The following ADGRB3 variants were observed in gnomAD, a reference collection of about 807,000 sequenced individuals.
The protein encoded by ADGRB3 is adhesion G protein-coupled receptor B3, also known as brain-specific angiogenesis inhibitor 3.
Under a neutral mutation model 193.4 loss-of-function variants are expected in ADGRB3, and 37 were observed. The observed-to-expected ratio is 0.19, with a 90% CI of 0.15 to 0.25. The LOEUF is 0.25. ADGRB3 is among the 10% of genes least tolerant of loss of function. The probability of loss-of-function intolerance (pLI) is 1.00; values close to 1 mark genes in which losing one functional copy is unlikely to be tolerated. For synonymous variants in ADGRB3, 690 were observed against 644.2 expected, an observed-to-expected ratio of 1.07 and a Z score of -1.08; for missense variants, 1,637 against 1,852.9, an observed-to-expected ratio of 0.88 and a Z score of 2.14.
At chr6:69,302,879 G>A (rs1389482672) in intron 20 of ADGRB3, among the ~76,000 whole-genome samples, 5 of 151,910 alleles carry the variant, frequency 3.3e-5, no homozygotes, top group Admixed American at 1.3e-4. Context: ...AGCGAATCAA[G>A]GAAATCATGA....
chr6:68,640,072 A>G (rs1341937140), intron 3 of ADGRB3, among the ~76,000 whole-genome samples: 1 of 152,226 alleles, frequency 6.6e-6, no homozygotes, highest in Non-Finnish European at 1.5e-5. Flanking sequence ...TTCTTGGGTC[A>G]GAAGGAACTC....
intron 3 of ADGRB3, among the ~76,000 whole-genome samples, chr6:68,884,335 T>A (rs566337988): frequency 6.6e-6 from 1 of 152,096 alleles, no homozygotes; most frequent in African/African-American, 2.4e-5. Flanking sequence ...ATTACACAAA[T>A]AAATAGAAAC....
At chr6:68,987,290 C>T (rs1769107495) in intron 10 of ADGRB3, among the ~76,000 whole-genome samples, 1 of 152,052 alleles carries the variant, frequency 6.6e-6, no homozygotes, top group Non-Finnish European at 1.5e-5. Context: ...GGGTTTTATT[C>T]AACCTCCACT....
At chr6:68,835,704 A>C (rs1358713012) in intron 3 of ADGRB3, among the ~76,000 whole-genome samples, 1 of 151,928 alleles carries the variant, frequency 6.6e-6, no homozygotes, top group Non-Finnish European at 1.5e-5. Flanking sequence ...TTCTTAAGGA[A>C]TCTATTTATA....
intron 17 of ADGRB3, among the ~76,000 whole-genome samples, chr6:69,168,555 T>C (rs1775189100): frequency 6.6e-6 from 1 of 152,114 alleles, no homozygotes; most frequent in African/African-American, 2.4e-5. Flanking sequence ...TAATTTGCAG[T>C]AGCATTTATC....
chr6:68,785,471 A>G (rs1766947485), intron 3 of ADGRB3, among the ~76,000 whole-genome samples: 1 of 151,526 alleles, frequency 6.6e-6, no homozygotes, highest in African/African-American at 2.4e-5. Flanking sequence ...CCATGTCCCT[A>G]CAAAGGACAT....
At chr6:69,008,631 A>C (rs942783190) in intron 11 of ADGRB3, among the ~76,000 whole-genome samples, 1 of 152,114 alleles carries the variant, frequency 6.6e-6, no homozygotes, top group African/African-American at 2.4e-5. Context: ...GTAGTGATGC[A>C]TAGGGAGAGT....
intron 3 of ADGRB3, among the ~76,000 whole-genome samples, chr6:68,863,130 TC>T (rs1562061492): frequency 6.6e-6 from 1 of 152,192 alleles, no homozygotes; most frequent in African/African-American, 2.4e-5. Flanking sequence ...TTGCCACTTA[TC>T]TAAATGTTCT....
intron 30 of ADGRB3, among the ~76,000 whole-genome samples, chr6:69,379,380 A>G (rs1769898291): frequency 6.6e-6 from 1 of 152,028 alleles, no homozygotes; most frequent in Non-Finnish European, 1.5e-5. Context: ...AACATAAAAA[A>G]CAGCTAAATG....
chr6:68,715,573 T>G (rs1390644884), intron 3 of ADGRB3, among the ~76,000 whole-genome samples: 1 of 151,728 alleles, frequency 6.6e-6, no homozygotes, highest in Admixed American at 6.6e-5. Flanking sequence ...CTCCCACTAA[T>G]CTTCCATGAT....
intron 3 of ADGRB3, among the ~76,000 whole-genome samples, chr6:68,859,751 G>A (rs1765097916): frequency 6.6e-6 from 1 of 152,094 alleles, no homozygotes; most frequent in Admixed American, 6.5e-5. Context: ...GGGAATTATG[G>A]GAGCTACAAT....
intron 13 of ADGRB3, among the ~76,000 whole-genome samples, chr6:69,042,637 C>G (rs17479848): frequency 0.038 from 5,791 of 152,266 alleles, 155 homozygotes; most frequent in Middle Eastern, 0.071. Context: ...CACACTGAGG[C>G]AATGCATCGT....
intron 17 of ADGRB3, chr6:69,232,617 G>A (rs1411407327): frequency 1.3e-6 from 2 of 1,535,594 alleles, no homozygotes; most frequent in Admixed American, 2.0e-5. Context: ...GAAGTGTGGA[G>A]TAGGAAGCTT....
At chr6:69,189,343 A>G (rs1240682903) in intron 17 of ADGRB3, among the ~76,000 whole-genome samples, 1 of 152,150 alleles carries the variant, frequency 6.6e-6, no homozygotes, top group African/African-American at 2.4e-5. Flanking sequence ...TGATGTTTGC[A>G]TTTATACCAG....
intron 3 of ADGRB3, among the ~76,000 whole-genome samples, chr6:68,835,494 T>C (rs1052803305): frequency 1.3e-5 from 2 of 152,118 alleles, no homozygotes; most frequent in African/African-American, 4.8e-5. Flanking sequence ...ATGCAAACAG[T>C]CTACATGACT....
chr6:69,216,672 A>G (rs58140358), intron 17 of ADGRB3, among the ~76,000 whole-genome samples: 351 of 152,268 alleles, frequency 2.3e-3, no homozygotes, highest in African/African-American at 8.0e-3. Context: ...AGAGAAACAG[A>G]AAAATAGCCT....
At chr6:68,739,904 A>G (rs1765943953) in intron 3 of ADGRB3, among the ~76,000 whole-genome samples, 1 of 152,046 alleles carries the variant, frequency 6.6e-6, no homozygotes, top group African/African-American at 2.4e-5. Flanking sequence ...TTTTTGTTTA[A>G]CTTTGTGTAC....
chr6:69,098,174 C>T (rs931294141), intron 17 of ADGRB3, among the ~76,000 whole-genome samples: 3 of 152,186 alleles, frequency 2.0e-5, no homozygotes, highest in Non-Finnish European at 4.4e-5. Flanking sequence ...TCAAGCCATG[C>T]TCTCTTCCTG....
intron 17 of ADGRB3, among the ~76,000 whole-genome samples, chr6:69,162,729 G>T (rs555549745): frequency 1.3e-5 from 2 of 152,194 alleles, no homozygotes; most frequent in South Asian, 2.1e-4. Flanking sequence ...AGAAGTAAAT[G>T]ATTTTAAAAG....
Sources: allele counts gnomAD v4.1 joint callset (sites outside exome capture counted in the v4.1 genomes callset), GRCh38; gene constraint gnomAD v4.1.1; transcripts MANE v1.5; gene names NCBI Gene and HGNC (gene_info 2026-07-23, HGNC 2026-07-21).